Variants in TLL1 observed in about 807,000 individuals in gnomAD.
TLL1 encodes tolloid like 1, also known as tolloid-like protein 1.
TLL1 carries 49 observed loss-of-function variants against 128.2 expected under a neutral mutation model. That is an observed-to-expected ratio of 0.38 (90% CI 0.30 to 0.48). The LOEUF is 0.48. TLL1 is among the 20% of genes least tolerant of loss of function. TLL1 has a pLI of 0.96. For synonymous variants in TLL1, 454 were observed against 418.8 expected, an observed-to-expected ratio of 1.08 and a Z score of -1.03; for missense variants, 1,123 against 1,242.0, an observed-to-expected ratio of 0.90 and a Z score of 1.44.
intron 1 of TLL1, among the ~76,000 whole-genome samples, chr4:165,937,169 C>A (rs1733801929): frequency 6.6e-6 from 1 of 152,064 alleles, no homozygotes; most frequent in Non-Finnish European, 1.5e-5. Flanking sequence ...CTCCAAGATC[C>A]CTTCATTTAT....
chr4:165,906,066 AG>A (rs1732240345), intron 1 of TLL1, among the ~76,000 whole-genome samples: 1 of 152,162 alleles, frequency 6.6e-6, no homozygotes, highest in Non-Finnish European at 1.5e-5. Context: ...GGCAAATAAA[AG>A]TTTCATTAAA....
At chr4:165,902,474 G>A (rs1472838299) in intron 1 of TLL1, among the ~76,000 whole-genome samples, 2 of 152,148 alleles carry the variant, frequency 1.3e-5, no homozygotes, top group African/African-American at 4.8e-5. Flanking sequence ...CACAGTATTT[G>A]AGCCAGAATG....
chr4:165,989,026 G>T (rs1247734521), intron 1 of TLL1, among the ~76,000 whole-genome samples: 1 of 152,070 alleles, frequency 6.6e-6, no homozygotes, highest in African/African-American at 2.4e-5. Context: ...CTGGTCATAA[G>T]AATCCACAGA....
intron 9 of TLL1, among the ~76,000 whole-genome samples, chr4:166,031,261 T>G (rs548846197): frequency 3.1e-4 from 47 of 152,092 alleles, no homozygotes; most frequent in Middle Eastern, 3.4e-3. Flanking sequence ...AATAGAACTA[T>G]GTACGGCTTA....
chr4:166,097,380 G>A (rs1200437252), intron 19 of TLL1, among the ~76,000 whole-genome samples: 1 of 152,072 alleles, frequency 6.6e-6, no homozygotes, highest in Non-Finnish European at 1.5e-5. Context: ...TGTAATAGTG[G>A]CACCTCTATC....
At chr4:165,991,504 A>C (rs542972406) in intron 2 of TLL1, among the ~76,000 whole-genome samples, 1 of 152,122 alleles carries the variant, frequency 6.6e-6, no homozygotes, top group South Asian at 2.1e-4. Context: ...GCAATGAAAA[A>C]ATTTCAAAAA....
intron 1 of TLL1, among the ~76,000 whole-genome samples, chr4:165,913,748 T>C (rs1339065450): frequency 1.3e-5 from 2 of 152,196 alleles, no homozygotes; most frequent in African/African-American, 4.8e-5. Context: ...GCACCGTGGT[T>C]CACACCTGTA....
intron 17 of TLL1, among the ~76,000 whole-genome samples, chr4:166,076,650 A>C (rs758939744): frequency 6.6e-6 from 1 of 152,152 alleles, no homozygotes; most frequent in African/African-American, 2.4e-5. Context: ...ACCTAGTCTC[A>C]GTGTCATCGC....
At chr4:165,874,816 C>T (rs1050480113) in intron 1 of TLL1, 3 of 152,346 alleles carry the variant, frequency 2.0e-5, no homozygotes, top group Non-Finnish European at 4.4e-5. Flanking sequence ...TGTCCCAGGT[C>T]CTTCCCCTCC....
rs576556335 is a variant in TLL1 at position 165,966,008 on chromosome 4, G to T, written c.170-23373G>T. The stretch of plus-strand genomic sequence containing the variant: ...AGCGTGGCCAAGATGGCAAAACCCT[G>T]TCTCTACTAAAAATACAAAAATTAG... On this transcript the variant is annotated intron_variant, in intron 1 of 20. Transcript: ENST00000061240. 2.7e-3 allele frequency among the ~76,000 whole-genome samples: 405 copies of T among 152,054 alleles called. 6 individuals are homozygous for T. Among genetic ancestry groups the T allele is most frequent in the African/African-American group, 9.2e-3 (380 of 41,484 alleles).
At position 166,065,701 on chromosome 4, in the gene TLL1, GTGGAGATC is replaced by G; in HGVS notation, c.2032_2039del (p.Ile678TrpfsTer5). On this transcript the variant is annotated frameshift_variant, in exon 16 of 21. Coordinates refer to ENST00000061240, the MANE Select transcript of TLL1 (RefSeq NM_012464.5). LOFTEE classifies it high-confidence loss of function. ...TTTCTAGGTTTGCAAATATGATTAT[GTGGAGATC>G]TGGAGTGGTCTTTCCTCTGAGTCTA... 6.2e-7 allele frequency: 1 copy of G among 1,612,936 alleles called. No individual in the cohort carries two copies. Among genetic ancestry groups the G allele is most frequent in the Non-Finnish European group, 8.5e-7 (1 of 1,179,242 alleles).
chr4:166,012,515 C>T (rs1479710307), intron 7 of TLL1, among the ~76,000 whole-genome samples: 1 of 151,514 alleles, frequency 6.6e-6, no homozygotes, highest in Non-Finnish European at 1.5e-5. Context: ...CCAGAGGCCA[C>T]AAATTTGTTT....
intron 1 of TLL1, among the ~76,000 whole-genome samples, chr4:165,880,879 G>A (rs1054503668): frequency 1.3e-5 from 2 of 152,152 alleles, no homozygotes; most frequent in African/African-American, 4.8e-5. Flanking sequence ...GCTCCTGGCC[G>A]GGTTGCTGCT....
In TLL1 at chr4:166,007,951, T is replaced by A. The variant is rs762609389; in HGVS notation, c.820T>A (p.Tyr274Asn). 2 of 1,607,916 alleles carry A rather than the reference T, an allele frequency of 1.2e-6. No homozygotes were observed. ...IRENIQPGQE[Y>N]NFLKMEPGEV... is the part of the protein sequence containing the mutation. ...TTATCCCTGGTTCTTAGGTCAAGAGTACAATTTTCTGAAGATGGAGCCTGG... is the reference window on the plus strand; with the variant it reads ...TTATCCCTGGTTCTTAGGTCAAGAGAACAATTTTCTGAAGATGGAGCCTGG... Residue 274 changes from tyrosine to asparagine, a missense_variant, in exon 7 of 21, where the codon TAC becomes AAC. Around this residue, in one of 3 missense-constraint regions of TLL1, gnomAD observed 480 missense variants for 542.4 expected, o/e 0.89. Transcript: ENST00000061240.
intron 7 of TLL1, among the ~76,000 whole-genome samples, chr4:166,011,825 T>C (rs1284457243): frequency 6.6e-6 from 1 of 151,554 alleles, no homozygotes; most frequent in African/African-American, 2.4e-5. Context: ...CCTAGATTTT[T>C]GTGTGTTTAT....
intron 1 of TLL1, among the ~76,000 whole-genome samples, chr4:165,896,419 A>G (rs1312913100): frequency 1.3e-5 from 2 of 151,588 alleles, no homozygotes; most frequent in African/African-American, 2.4e-5. Context: ...TTATAGTAGA[A>G]TGATTTATAA....
intron 1 of TLL1, among the ~76,000 whole-genome samples, chr4:165,964,953 GTAAA>G (rs201286364): frequency 5.3e-5 from 8 of 151,384 alleles, no homozygotes; most frequent in East Asian, 1.9e-4. Flanking sequence ...AAATAAATAA[GTAAA>G]TAAATAAATA....
At chr4:166,012,799 A>G (rs768939003) in intron 7 of TLL1, among the ~76,000 whole-genome samples, 1 of 151,714 alleles carries the variant, frequency 6.6e-6, no homozygotes, top group East Asian at 1.9e-4. Context: ...TTTTCAGACA[A>G]TGTACATATG....
chr4:166,069,890 A>G (rs1740733089), intron 16 of TLL1, among the ~76,000 whole-genome samples: 1 of 151,848 alleles, frequency 6.6e-6, no homozygotes, highest in African/African-American at 2.4e-5. Flanking sequence ...TCAGTGTAAT[A>G]TGCTACACTT....
Sources: gnomAD v4.1 joint callset for allele counts (sites outside exome capture counted in the v4.1 genomes callset) on GRCh38, gnomAD v4.1.1 for gene constraint, gnomAD v4.1.1 regional missense constraint, MANE v1.5 for transcripts, NCBI Gene and HGNC (gene_info 2026-07-23, HGNC 2026-07-21) for gene names.